DNAH9: variants seen among roughly 807,000 people sequenced by gnomAD.
DNAH9 encodes the protein DNAH9 variant protein.
In DNAH9, 345 loss-of-function variants were observed where a neutral mutation model predicts 471.6. The ratio of observed to expected loss-of-function variants is 0.73; its 90% CI spans 0.67 to 0.80. The LOEUF (loss-of-function observed/expected upper bound fraction) is 0.80, where lower values mean the gene tolerates loss of function less well. DNAH9 is among the 30% of genes least tolerant of loss of function. The pLI is 0.00. For synonymous variants in DNAH9, 2,093 were observed against 2,123.6 expected, an observed-to-expected ratio of 0.99 and a Z score of 0.40; for missense variants, 5,407 against 5,609.2, an observed-to-expected ratio of 0.96 and a Z score of 1.15.
chr17:11,662,747 C>CAAT (rs2073792697), intron 14 of DNAH9, among the ~76,000 whole-genome samples: 3 of 45,436 alleles, frequency 6.6e-5, no homozygotes, highest in African/African-American at 8.1e-5. Context: ...TTGAGGCTCG[C>CAAT]TTTTTTTTTT....
At chr17:11,639,084 G>A (rs1376681856) in intron 9 of DNAH9, among the ~76,000 whole-genome samples, 2 of 152,136 alleles carry the variant, frequency 1.3e-5, no homozygotes, top group Non-Finnish European at 2.9e-5. Context: ...GCCCACCCAG[G>A]GTCCTCTTCC....
At chr17:11,717,147 C>G (rs1349424383) in intron 26 of DNAH9, among the ~76,000 whole-genome samples, 1 of 152,234 alleles carries the variant, frequency 6.6e-6, no homozygotes, top group Non-Finnish European at 1.5e-5. Flanking sequence ...TGTGGCAGGT[C>G]TGAAGGGCAA....
intron 50 of DNAH9, among the ~76,000 whole-genome samples, chr17:11,868,581 G>A (rs1439396858): frequency 6.6e-6 from 1 of 152,016 alleles, no homozygotes; most frequent in Non-Finnish European, 1.5e-5. Flanking sequence ...AGAGCCAGTG[G>A]AGGACTTAGA....
intron 6 of DNAH9, among the ~76,000 whole-genome samples, chr17:11,621,184 C>T (rs971018793): frequency 1.3e-4 from 20 of 151,640 alleles, no homozygotes; most frequent in African/African-American, 4.1e-4. Flanking sequence ...CTGAGGCAGG[C>T]GAATCACAAG....
At chr17:11,615,220 T>C (rs992914932) in intron 4 of DNAH9, among the ~76,000 whole-genome samples, 5 of 152,246 alleles carry the variant, frequency 3.3e-5, no homozygotes, top group African/African-American at 1.2e-4. Context: ...AAGAGCCTGT[T>C]GTTAAAGACT....
intron 56 of DNAH9, among the ~76,000 whole-genome samples, chr17:11,885,691 T>C (rs1972857692): frequency 6.6e-6 from 1 of 152,234 alleles, no homozygotes; most frequent in Non-Finnish European, 1.5e-5. Flanking sequence ...TCCACTGCTC[T>C]AAAACATACT....
intron 65 of DNAH9, among the ~76,000 whole-genome samples, chr17:11,935,675 G>A (rs756940149): frequency 3.9e-5 from 6 of 152,036 alleles, no homozygotes; most frequent in Non-Finnish European, 5.9e-5. Flanking sequence ...CGCCCGGCCC[G>A]AAAGATATTT....
At chr17:11,780,909 A>C (rs1409717709) in intron 38 of DNAH9, 100 bp from the exon 39 acceptor site, 1 of 1,303,032 alleles carries the variant, frequency 7.7e-7, no homozygotes, top group African/African-American at 1.5e-5. Context: ...TTTTGCACAC[A>C]TGAAGGCAGC....
intron 58 of DNAH9, 28 bp downstream of exon 58, chr17:11,891,975 A>T: frequency 6.2e-7 from 1 of 1,608,214 alleles, no homozygotes; most frequent in Non-Finnish European, 8.5e-7. Context: ...AAGTTTCCAG[A>T]AAACAGGTTA....
Position 11,617,508 on chromosome 17 carries a change from G to C in DNAH9, c.1002G>C (p.Gln334His). The change falls in exon 5 of 69, where the codon CAG (glutamine) becomes CAC (histidine). Residue 334 changes from glutamine (Q) to histidine (H), a missense_variant. By Grantham distance (24) the Gln-to-His change is conservative. This residue lies in a region of DNAH9 where 767 missense variants were observed against 692.5 expected (regional missense o/e 1.11). Coordinates refer to ENST00000262442, the MANE Select transcript of DNAH9 (RefSeq NM_001372.4). ...CAGAATTTCCGGAGGTGAAGCCCCA[G>C]CTGCGGCCCCTGCTCCACGTGGTCT... ...ENAEFPEVKPQLRPLLHVVCL... is the reference protein window; with the variant it reads ...ENAEFPEVKPHLRPLLHVVCL... 1 of 1,614,132 alleles carries C rather than the reference G, an allele frequency of 6.2e-7. No individual in the cohort carries two copies. Among genetic ancestry groups the C allele is most frequent in the Non-Finnish European group, 8.5e-7 (1 of 1,180,018 alleles).
intron 17 of DNAH9, among the ~76,000 whole-genome samples, chr17:11,676,322 G>A (rs2074049935): frequency 8.9e-6 from 1 of 111,996 alleles, no homozygotes; most frequent in Non-Finnish European, 1.7e-5. Context: ...CACTCTTGAT[G>A]CCCAGGCCGC....
intron 49 of DNAH9, among the ~76,000 whole-genome samples, chr17:11,845,149 T>G (rs1567843212): frequency 7.0e-6 from 1 of 141,956 alleles, no homozygotes; most frequent in East Asian, 2.3e-4. Context: ...ATGCTATTCC[T>G]CCCCCCTCCC....
chr17:11,893,474 A>G (rs748457282), intron 58 of DNAH9, among the ~76,000 whole-genome samples: 3 of 152,346 alleles, frequency 2.0e-5, no homozygotes, highest in South Asian at 4.1e-4. Flanking sequence ...CCACATGCCC[A>G]TCAATGGTAG....
rs1193246497 is a variant in DNAH9, at chr17:11,762,770, G to GTTTGTTTGT, written c.6996-667_6996-666insGTTTGTTTT. Among the ~76,000 whole-genome samples the GTTTGTTTGT allele has an allele frequency of 4.9e-3, 443 of 90,756 alleles. 12 individuals are homozygous for GTTTGTTTGT. Among genetic ancestry groups the GTTTGTTTGT allele is most frequent in the Non-Finnish European group, 7.0e-3 (322 of 45,756 alleles). The allele number at this position is 90,756 out of a possible 152,430, so 59.5% of individuals were successfully genotyped here. The stretch of plus-strand genomic sequence containing the variant: ...CCTCTTTAGGTGCGTTTTTTTTTTT[G>GTTTGTTTGT]TTTTTTTTTTTTTTTTTTTTTTTTT... On this transcript the variant is annotated intron_variant, in intron 35 of 68. Transcript: ENST00000262442.
At chr17:11,604,853 T>C (rs2072465746) in intron 1 of DNAH9, among the ~76,000 whole-genome samples, 1 of 152,194 alleles carries the variant, frequency 6.6e-6, no homozygotes, top group Admixed American at 6.5e-5. Flanking sequence ...ACTTGGTAGG[T>C]GGCCTCCCTT....
At chr17:11,746,027 A>G (rs1234427229) in intron 31 of DNAH9, among the ~76,000 whole-genome samples, 3 of 152,262 alleles carry the variant, frequency 2.0e-5, no homozygotes, top group Non-Finnish European at 2.9e-5. Flanking sequence ...AAAGACATGT[A>G]TCCACATTGG....
chr17:11,931,879 T>A, intron 63 of DNAH9, 135 bp from the exon 64 acceptor site: 1 of 954,012 alleles, frequency 1.0e-6, no homozygotes, highest in South Asian at 1.6e-5. Flanking sequence ...CAGGCTGTAG[T>A]CTCGCTGTAA....
intron 45 of DNAH9, among the ~76,000 whole-genome samples, chr17:11,815,469 C>T (rs1039184289): frequency 6.6e-6 from 1 of 152,130 alleles, no homozygotes; most frequent in African/African-American, 2.4e-5. Context: ...CCATTCTCCT[C>T]ACTCCTTGCA....
chr17:11,785,176 C>T (rs982668404), intron 41 of DNAH9, among the ~76,000 whole-genome samples: 2 of 152,032 alleles, frequency 1.3e-5, no homozygotes, highest in African/African-American at 4.8e-5. Flanking sequence ...ATCTAGCAAA[C>T]CCAGACCCTT....
Sources: allele counts gnomAD v4.1 joint callset (sites outside exome capture counted in the v4.1 genomes callset), GRCh38; gene constraint gnomAD v4.1.1; regional missense constraint gnomAD v4.1.1; transcripts MANE v1.5; gene names NCBI Gene and HGNC (gene_info 2026-07-23, HGNC 2026-07-21).